Variants in NKAIN3 observed in about 807,000 individuals in gnomAD.
The protein encoded by NKAIN3 is sodium/potassium transporting ATPase interacting 3, also known as sodium/potassium-transporting ATPase subunit beta-1-interacting protein 3.
Under a neutral mutation model 30.2 loss-of-function variants are expected in NKAIN3, and 25 were observed. That is an observed-to-expected ratio of 0.83 (90% CI 0.60 to 1.16). The LOEUF (loss-of-function observed/expected upper bound fraction) is 1.16. Among genes scored for constraint, NKAIN3 ranks in the 50% most tolerant of loss-of-function variants. The pLI is 0.00. For missense variants in NKAIN3, 225 were observed against 254.1 expected, an observed-to-expected ratio of 0.89 and a Z score of 0.78; for synonymous variants, 91 against 89.6, an observed-to-expected ratio of 1.02 and a Z score of -0.09.
chr8:62,516,676 G>A (rs140129852), intron 1 of NKAIN3, among the ~76,000 whole-genome samples: 51 of 152,120 alleles, frequency 3.4e-4, no homozygotes, highest in African/African-American at 1.2e-3. Flanking sequence ...ACCTTTAACA[G>A]AGTTTTTAAA....
intron 1 of NKAIN3, among the ~76,000 whole-genome samples, chr8:62,419,037 G>A (rs1804547783): frequency 6.6e-6 from 1 of 152,172 alleles, no homozygotes; most frequent in Non-Finnish European, 1.5e-5. Context: ...TCATTGAGTG[G>A]TGGTAAAAGG....
At chr8:62,800,663 G>A (rs976062226) in intron 4 of NKAIN3, among the ~76,000 whole-genome samples, 11 of 152,106 alleles carry the variant, frequency 7.2e-5, no homozygotes, top group Admixed American at 5.2e-4. Context: ...GAAGAGCTCC[G>A]GTCTACAGCT....
chr8:62,334,561 T>C (rs918714238), intron 1 of NKAIN3, among the ~76,000 whole-genome samples: 20 of 152,258 alleles, frequency 1.3e-4, no homozygotes, highest in African/African-American at 4.8e-4. Context: ...CCTAACTCAA[T>C]GGCTTTGGAA....
chr8:62,488,745 C>A (rs902074497), intron 1 of NKAIN3, among the ~76,000 whole-genome samples: 1 of 152,086 alleles, frequency 6.6e-6, no homozygotes, highest in African/African-American at 2.4e-5. Flanking sequence ...GAAAAATAAA[C>A]CATATTTTAT....
At chr8:62,866,275 T>C (rs1820411711) in intron 4 of NKAIN3, among the ~76,000 whole-genome samples, 1 of 152,178 alleles carries the variant, frequency 6.6e-6, no homozygotes, top group South Asian at 2.1e-4. Flanking sequence ...ATCATGCTTG[T>C]CTAGAACACA....
chr8:62,917,079 C>T (rs4513968), intron 4 of NKAIN3, among the ~76,000 whole-genome samples: 28,909 of 151,894 alleles, frequency 0.19, 3,684 homozygotes, highest in East Asian at 0.59. Flanking sequence ...AGGAAGTCCT[C>T]TGGGATGGCT....
chr8:62,924,588 A>G (rs1315703254), intron 5 of NKAIN3, among the ~76,000 whole-genome samples: 2 of 152,198 alleles, frequency 1.3e-5, no homozygotes, highest in African/African-American at 4.8e-5. Context: ...ACAGCTCTTC[A>G]CATCAGCTGA....
In NKAIN3 at chr8:62,629,122, G is replaced by A. The variant is rs190868252; in HGVS notation, c.273+39328G>A. ...GGGTTGGCAGTAGAGAAATGAATCA[G>A]GTCTTGCCTGTCCCTGATGGGAAGT... On this transcript the variant is annotated intron_variant, in intron 3 of 6. Coordinates refer to ENST00000623646, the MANE Select transcript of NKAIN3 (RefSeq NM_001304533.3). 2.9e-3 allele frequency among the ~76,000 whole-genome samples: 444 copies of A among 152,222 alleles called. 3 individuals are homozygous for A. The highest frequency in any genetic ancestry group is 0.01 in the African/African-American group (429 of 41,558).
intron 4 of NKAIN3, among the ~76,000 whole-genome samples, chr8:62,892,693 TA>T (rs5891874): frequency 0.47 from 71,624 of 150,902 alleles, 18,708 homozygotes; most frequent in African/African-American, 0.71. Flanking sequence ...TTTTATTTGG[TA>T]AAAAAAAAAT....
intron 3 of NKAIN3, among the ~76,000 whole-genome samples, chr8:62,661,155 C>T (rs991920633): frequency 6.6e-6 from 1 of 152,170 alleles, no homozygotes; most frequent in Non-Finnish European, 1.5e-5. Context: ...CGCCATCCTT[C>T]CAGGCTGATT....
intron 4 of NKAIN3, among the ~76,000 whole-genome samples, chr8:62,802,252 T>A (rs1218179260): frequency 1.3e-5 from 2 of 152,052 alleles, no homozygotes; most frequent in Admixed American, 1.3e-4. Context: ...ACATTCAGAT[T>A]CAGGAAATAC....
chr8:62,845,139 T>G (rs559645081), intron 4 of NKAIN3, among the ~76,000 whole-genome samples: 1 of 151,776 alleles, frequency 6.6e-6, no homozygotes, highest in Non-Finnish European at 1.5e-5. Context: ...GTTGGATTTT[T>G]TTAGGGTTAA....
chr8:62,674,434 C>A (rs960080911), intron 3 of NKAIN3, among the ~76,000 whole-genome samples: 1 of 152,198 alleles, frequency 6.6e-6, no homozygotes, highest in South Asian at 2.1e-4. Context: ...ATGTGTCAGA[C>A]TCCCTCTACT....
intron 1 of NKAIN3, among the ~76,000 whole-genome samples, chr8:62,460,353 G>A (rs1035744841): frequency 4.6e-5 from 7 of 150,888 alleles, no homozygotes; most frequent in Admixed American, 1.3e-4. Context: ...CTGGGTTGCC[G>A]TGAGCTGAGA....
chr8:62,818,910 C>G (rs1244329026), intron 4 of NKAIN3, among the ~76,000 whole-genome samples: 1 of 151,664 alleles, frequency 6.6e-6, no homozygotes, highest in Admixed American at 6.6e-5. Flanking sequence ...AAAAAGCATG[C>G]TGGGAAGATT....
chr8:62,261,044 C>A (rs1020156317), intron 1 of NKAIN3, among the ~76,000 whole-genome samples: 2 of 152,090 alleles, frequency 1.3e-5, no homozygotes, highest in Non-Finnish European at 2.9e-5. Context: ...CATTCTTAAG[C>A]TCCCCAGGCC....
intron 3 of NKAIN3, among the ~76,000 whole-genome samples, chr8:62,702,406 T>A (rs1374555278): frequency 1.3e-5 from 2 of 152,164 alleles, no homozygotes; most frequent in Admixed American, 1.3e-4. Context: ...GGAAAAATAT[T>A]TTAATATGGA....
intron 5 of NKAIN3, among the ~76,000 whole-genome samples, chr8:62,937,834 G>A (rs536289286): frequency 2.0e-5 from 3 of 152,178 alleles, no homozygotes; most frequent in South Asian, 4.1e-4. Flanking sequence ...TACTGGTTGC[G>A]TGGAAATAAA....
At chr8:62,605,341 C>A (rs1161883075) in intron 3 of NKAIN3, among the ~76,000 whole-genome samples, 1 of 151,944 alleles carries the variant, frequency 6.6e-6, no homozygotes, top group East Asian at 1.9e-4. Context: ...CCCTGAGCTG[C>A]CCATGACCGG....
Sources: allele counts gnomAD v4.1 joint callset (sites outside exome capture counted in the v4.1 genomes callset), GRCh38; gene constraint gnomAD v4.1.1; transcripts MANE v1.5; gene names NCBI Gene and HGNC (gene_info 2026-07-23, HGNC 2026-07-21).